PARD3B: variants seen among roughly 807,000 people sequenced by gnomAD.
The protein encoded by PARD3B is par-3 family cell polarity regulator beta.
In PARD3B, 103 loss-of-function variants were observed where a neutral mutation model predicts 130.2. That is an observed-to-expected ratio of 0.79 (90% CI 0.67 to 0.93). The LOEUF is 0.93. Among genes scored for constraint, PARD3B ranks in the 40% least tolerant of loss-of-function variants. The pLI is 0.00. For missense variants in PARD3B, 1,609 were observed against 1,499.2 expected (o/e 1.07, Z -1.21); for synonymous variants, 583 against 553.2 (o/e 1.05, Z -0.76).
chr2:204,826,996 G>A (rs2043605286), intron 2 of PARD3B, among the ~76,000 whole-genome samples: 1 of 152,164 alleles, frequency 6.6e-6, no homozygotes, highest in South Asian at 2.1e-4. Context: ...CTTTAGCCTG[G>A]GTGACAGAGC....
At chr2:204,990,914 C>G (rs916399958) in intron 3 of PARD3B, among the ~76,000 whole-genome samples, 2 of 152,096 alleles carry the variant, frequency 1.3e-5, no homozygotes, top group African/African-American at 4.8e-5. Flanking sequence ...AGGGGTACAG[C>G]TTTTCCACCA....
intron 2 of PARD3B, among the ~76,000 whole-genome samples, chr2:204,837,710 G>A (rs375572758): frequency 5.3e-5 from 8 of 152,260 alleles, no homozygotes; most frequent in African/African-American, 1.9e-4. Flanking sequence ...TCACTATTCT[G>A]TAGGAAAGAC....
chr2:205,561,005 T>C (rs1157599442), intron 22 of PARD3B, among the ~76,000 whole-genome samples: 1 of 152,252 alleles, frequency 6.6e-6, no homozygotes, highest in Non-Finnish European at 1.5e-5. Flanking sequence ...CTCAGTCTTC[T>C]CGTCTACTTA....
intron 4 of PARD3B, among the ~76,000 whole-genome samples, chr2:205,059,129 A>C (rs537961165): frequency 6.6e-6 from 1 of 151,884 alleles, no homozygotes; most frequent in Non-Finnish European, 1.5e-5. Flanking sequence ...TAAGGGTCCA[A>C]CTTCAGTCAT....
At chr2:205,036,877 GTAGCGGACTGTATATATAAAGAACATATA>G (rs1312065674) in intron 3 of PARD3B, among the ~76,000 whole-genome samples, 3 of 150,202 alleles carry the variant, frequency 2.0e-5, no homozygotes, top group African/African-American at 7.3e-5. Flanking sequence ...AAGAACATAT[GTAGCGGACTGTATATATAAAGAACATATA>G]TAGCGGACTG....
At chr2:205,059,582 CT>C (rs1264365629) in intron 4 of PARD3B, among the ~76,000 whole-genome samples, 1 of 152,076 alleles carries the variant, frequency 6.6e-6, no homozygotes, top group African/African-American at 2.4e-5. Context: ...TGGAATACCT[CT>C]AGCATAATTT....
chr2:204,926,881 A>G (rs886649524), intron 2 of PARD3B, among the ~76,000 whole-genome samples: 1 of 152,132 alleles, frequency 6.6e-6, no homozygotes, highest in African/African-American at 2.4e-5. Context: ...TAAAATATGT[A>G]AACTGTGACA....
At chr2:205,414,896 T>G (rs1212773302) in intron 19 of PARD3B, among the ~76,000 whole-genome samples, 3 of 152,062 alleles carry the variant, frequency 2.0e-5, no homozygotes, top group Non-Finnish European at 4.4e-5. Context: ...AAAGTAAAAT[T>G]TTAGCTGAAT....
intron 1 of PARD3B, among the ~76,000 whole-genome samples, chr2:204,562,155 C>A (rs2031359239): frequency 6.6e-6 from 1 of 152,074 alleles, no homozygotes; most frequent in Non-Finnish European, 1.5e-5. Flanking sequence ...CCTCAGATTT[C>A]TAAATTCTAT....
intron 18 of PARD3B, among the ~76,000 whole-genome samples, chr2:205,393,678 C>T (rs961877230): frequency 3.3e-5 from 5 of 152,090 alleles, no homozygotes; most frequent in African/African-American, 1.2e-4. Context: ...ATAGTGTGTG[C>T]ACTAAGAGGA....
chr2:205,060,837 G>A (rs1341208367), intron 4 of PARD3B, among the ~76,000 whole-genome samples: 3 of 152,102 alleles, frequency 2.0e-5, no homozygotes, highest in South Asian at 2.1e-4. Flanking sequence ...CGTCATGAAT[G>A]TGAATCTTAT....
At chr2:204,991,725 C>T (rs1031528234) in intron 3 of PARD3B, among the ~76,000 whole-genome samples, 9 of 151,822 alleles carry the variant, frequency 5.9e-5, no homozygotes, top group East Asian at 3.9e-4. Flanking sequence ...TCTCCACATC[C>T]TCTCCAGCAC....
At chr2:205,168,326 T>G (rs1193511224) in intron 11 of PARD3B, among the ~76,000 whole-genome samples, 1 of 82,054 alleles carries the variant, frequency 1.2e-5, no homozygotes, top group Non-Finnish European at 2.6e-5. Context: ...AGAGAGTGTG[T>G]GTGTGTGAAT....
intron 2 of PARD3B, among the ~76,000 whole-genome samples, chr2:204,897,385 G>GTTTTTTTTTTTTTTTTT (rs56693580): frequency 7.8e-6 from 1 of 127,676 alleles, no homozygotes; most frequent in Non-Finnish European, 1.6e-5. Flanking sequence ...TGTAGGTACT[G>GTTTTTTTTTTTTTTTTT]TTTTTTTTTT....
intron 10 of PARD3B, among the ~76,000 whole-genome samples, chr2:205,138,041 G>A (rs1463467570): frequency 6.6e-6 from 1 of 152,196 alleles, no homozygotes; most frequent in Non-Finnish European, 1.5e-5. Flanking sequence ...ATAGGGAAGT[G>A]GGAGTGTGCA....
intron 11 of PARD3B, among the ~76,000 whole-genome samples, chr2:205,161,976 T>A (rs986859833): frequency 1.3e-5 from 2 of 152,216 alleles, no homozygotes; most frequent in Non-Finnish European, 2.9e-5. Context: ...TCTTGCCAGA[T>A]GTAAAACCCC....
chr2:204,805,907 A>G (rs950584924), intron 2 of PARD3B, among the ~76,000 whole-genome samples: 2 of 152,166 alleles, frequency 1.3e-5, no homozygotes, highest in African/African-American at 4.8e-5. Flanking sequence ...TAGAAGGAAC[A>G]TACCTCAACA....
chr2:204,601,567 G>T (rs1199234622), intron 1 of PARD3B, among the ~76,000 whole-genome samples: 1 of 151,870 alleles, frequency 6.6e-6, no homozygotes, highest in East Asian at 1.9e-4. Context: ...TTCCCAAAAT[G>T]ATTTTCTTCA....
At chr2:205,588,849 C>G (rs2054287061) in intron 22 of PARD3B, among the ~76,000 whole-genome samples, 1 of 152,226 alleles carries the variant, frequency 6.6e-6, no homozygotes, top group South Asian at 2.1e-4. Context: ...TTGCTGTTCC[C>G]TGGCAAACTC....
Sources: allele counts gnomAD v4.1 joint callset (sites outside exome capture counted in the v4.1 genomes callset), GRCh38; gene constraint gnomAD v4.1.1; transcripts MANE v1.5; gene names NCBI Gene and HGNC (gene_info 2026-07-23, HGNC 2026-07-21).